Variants in SORCS2 observed in about 807,000 individuals in gnomAD.
SORCS2 encodes VPS10 domain-containing receptor SorCS2.
In SORCS2, 100 loss-of-function variants were observed where a neutral mutation model predicts 141.6. The ratio of observed to expected loss-of-function variants is 0.71; its 90% confidence interval spans 0.60 to 0.83. The LOEUF (loss-of-function observed/expected upper bound fraction) is 0.83. SORCS2 is among the 40% of genes least tolerant of loss of function. The pLI is 0.00. For synonymous variants in SORCS2, 789 were observed against 676.9 expected, an observed-to-expected ratio of 1.17 and a Z score of -2.57; for missense variants, 1,646 against 1,560.2, an observed-to-expected ratio of 1.05 and a Z score of -0.93.
chr4:7,196,789 T>TG, intron 1 of SORCS2, among the ~76,000 whole-genome samples: 1 of 152,280 alleles, frequency 6.6e-6, no homozygotes, highest in African/African-American at 2.4e-5. Flanking sequence ...CCGATATTTG[T>TG]GTATATTTTA....
rs1034837412 is a variant in SORCS2 at position 7,648,343 on chromosome 4, G to A, written c.814-5791G>A. On this transcript the variant is annotated intron_variant, in intron 4 of 26. Coordinates refer to ENST00000507866, the MANE Select transcript of SORCS2 (RefSeq NM_020777.3). The surrounding 1 kb of genome is among the most constrained non-coding windows in gnomAD (Gnocchi z 4.2). ...GTGTCAAGGAGTCAGGGGTCATCAG[G>A]GCAGAAATGGGGACTGAGTCACTTC... 6.6e-6 allele frequency among the ~76,000 whole-genome samples: 1 copy of A among 152,148 alleles called. No individual in the cohort carries two copies. Among genetic ancestry groups the A allele is most frequent in the Non-Finnish European group, 1.5e-5 (1 of 68,016 alleles).
chr4:7,236,979 C>G lies in SORCS2; in HGVS notation c.480+43853C>G, dbSNP rs557847101. Among the ~76,000 whole-genome samples the G allele has an allele frequency of 2.6e-3, 399 of 152,296 alleles. 13 individuals carry two copies. The South Asian group carries it at 0.08, about 30-fold the overall frequency. On this transcript the variant is annotated intron_variant, in intron 1 of 26. Transcript: ENST00000507866. Reference sequence around the variant, plus strand: ...GGGGGAGTCCCAGGGCTCTGCTGAGCCCACCTGGGAAAGACTGGTCGGGTG... The same window carrying G: ...GGGGGAGTCCCAGGGCTCTGCTGAGGCCACCTGGGAAAGACTGGTCGGGTG...
intron 1 of SORCS2, among the ~76,000 whole-genome samples, chr4:7,231,109 A>G (rs1024091287): frequency 3.3e-5 from 5 of 152,252 alleles, no homozygotes; most frequent in African/African-American, 1.2e-4. Flanking sequence ...ACTGGCTCAC[A>G]TAAAGATGGA....
chr4:7,249,514 G>A (rs1246333338), intron 1 of SORCS2, among the ~76,000 whole-genome samples: 4 of 152,178 alleles, frequency 2.6e-5, no homozygotes, highest in Non-Finnish European at 5.9e-5. Flanking sequence ...TTGATGAGAG[G>A]AGTATCAGAG....
At chr4:7,453,564 C>CAGG (rs1728637930) in intron 2 of SORCS2, among the ~76,000 whole-genome samples, 1 of 131,786 alleles carries the variant, frequency 7.6e-6, no homozygotes. Context: ...GTGTTGGGGT[C>CAGG]AGCTGCTGTG....
chr4:7,557,296 G>A lies in SORCS2; in HGVS notation c.648+25667G>A, dbSNP rs182505941. Among the ~76,000 whole-genome samples the A allele has an allele frequency of 8.6e-4, 131 of 152,236 alleles. 2 individuals are homozygous for A. The East Asian group carries it at 0.022, about 25-fold the overall frequency. On this transcript the variant is annotated intron_variant, in intron 3 of 26. Transcript: ENST00000507866. ...GGAGGGACGGTGGCAGGGATGGCTG[G>A]GGGCACGGGCAGATTGGGGAGAGTG...
At chr4:7,696,837 C>T (rs1028970862) in intron 11 of SORCS2, among the ~76,000 whole-genome samples, 1 of 152,236 alleles carries the variant, frequency 6.6e-6, no homozygotes, top group Non-Finnish European at 1.5e-5. Context: ...TGCTTTCAAG[C>T]CCCACAGGGG....
intron 4 of SORCS2, among the ~76,000 whole-genome samples, chr4:7,641,234 A>G (rs1240872328): frequency 6.6e-6 from 1 of 152,220 alleles, no homozygotes; most frequent in Non-Finnish European, 1.5e-5. Flanking sequence ...ATGAAGAAAG[A>G]GGTTTAATTG....
chr4:7,345,994 T>A (rs1027095520), intron 1 of SORCS2, among the ~76,000 whole-genome samples: 1 of 152,248 alleles, frequency 6.6e-6, no homozygotes, highest in African/African-American at 2.4e-5. Flanking sequence ...GTTGATTTTC[T>A]CAAAGAACCA....
intron 3 of SORCS2, among the ~76,000 whole-genome samples, chr4:7,617,379 C>T (rs751374926): frequency 1.2e-4 from 19 of 152,182 alleles, no homozygotes; most frequent in East Asian, 5.8e-4. Context: ...CCCACCCACC[C>T]GTGCATGCAT....
intron 11 of SORCS2, among the ~76,000 whole-genome samples, chr4:7,690,077 T>C (rs1457550098): frequency 7.2e-6 from 1 of 139,146 alleles, no homozygotes. Context: ...GATAGATGAA[T>C]GGATAGATAG....
At chr4:7,440,349 T>G (rs947685860) in intron 2 of SORCS2, among the ~76,000 whole-genome samples, 4 of 152,200 alleles carry the variant, frequency 2.6e-5, no homozygotes, top group African/African-American at 9.7e-5. Flanking sequence ...ACAGCCATCT[T>G]TCAGAGAGTG....
At chr4:7,675,360 CCAGACTGTG>C (rs1429612181) in intron 8 of SORCS2, among the ~76,000 whole-genome samples, 20 of 152,288 alleles carry the variant, frequency 1.3e-4, no homozygotes, top group African/African-American at 4.6e-4. Context: ...GCCTCCCCCT[CCAGACTGTG>C]CCCCCAGGGC....
rs1254597278 is a variant in SORCS2 at position 7,314,332 on chromosome 4, AT to A, written c.481-81948del. ...CTAAGAAAATCATGGCCTTTTTTTT[AT>A]TTTTTTTATTTTTTTTTATTTTTTG... On this transcript the variant is annotated intron_variant, in intron 1 of 26. Transcript: ENST00000507866. Among the ~76,000 whole-genome samples the A allele has an allele frequency of 8.1e-5, 8 of 98,658 alleles. No individual in the cohort carries two copies. In the East Asian group the frequency reaches 1.1e-3, roughly 14 times the overall value. The allele number at this position is 98,658 out of a possible 152,430, so 64.7% of individuals were successfully genotyped here. A position where few individuals can be genotyped will look rare whatever the true frequency, so the allele number is the denominator to read the frequency against.
intron 2 of SORCS2, among the ~76,000 whole-genome samples, chr4:7,464,079 G>C (rs1379488654): frequency 1.3e-5 from 2 of 152,190 alleles, no homozygotes; most frequent in Non-Finnish European, 2.9e-5. Context: ...CACTGGGCTG[G>C]CAGTGAGCTA....
At chr4:7,322,218 C>G (rs549186935) in intron 1 of SORCS2, among the ~76,000 whole-genome samples, 1 of 152,318 alleles carries the variant, frequency 6.6e-6, no homozygotes, top group South Asian at 2.1e-4. Flanking sequence ...AGTGCTTGTC[C>G]TAGGGGCAGG....
intron 1 of SORCS2, among the ~76,000 whole-genome samples, chr4:7,354,223 C>T (rs375766420): frequency 3.3e-5 from 5 of 152,260 alleles, no homozygotes; most frequent in South Asian, 2.1e-4. Flanking sequence ...AAGGCCAGGG[C>T]AGTAGAGAGG....
chr4:7,731,739 T>C (rs924525205), intron 23 of SORCS2, among the ~76,000 whole-genome samples: 1 of 152,214 alleles, frequency 6.6e-6, no homozygotes, highest in African/African-American at 2.4e-5. Context: ...ATAAATATTG[T>C]TGGGAAACTG....
intron 8 of SORCS2, among the ~76,000 whole-genome samples, chr4:7,672,021 G>A (rs972309441): frequency 2.7e-5 from 4 of 147,136 alleles, no homozygotes; most frequent in Non-Finnish European, 4.4e-5. Flanking sequence ...TCAGCTCACT[G>A]CAACCTCCAC....
Sources: allele counts gnomAD v4.1 joint callset (sites outside exome capture counted in the v4.1 genomes callset), GRCh38; gene constraint gnomAD v4.1.1; non-coding constraint Gnocchi (gnomAD v3.1); transcripts MANE v1.5; gene names NCBI Gene and HGNC (gene_info 2026-07-23, HGNC 2026-07-21).